Variants in CMKLR2 observed in about 807,000 individuals in gnomAD.
CMKLR2 encodes the protein chemerin chemokine-like receptor 2.
CMKLR2 carries 18 observed loss-of-function variants against 23.0 expected under a neutral mutation model. That is an observed-to-expected ratio of 0.78 (90% CI 0.54 to 1.16). The LOEUF is 1.16. Ranked by LOEUF, CMKLR2 falls within the 50% of genes most tolerant of loss-of-function variation. CMKLR2 has a pLI of 0.00. For synonymous variants in CMKLR2, 158 were observed against 158.9 expected (o/e 0.99, Z 0.05); for missense variants, 401 against 412.7 (o/e 0.97, Z 0.25).
chr2:206,211,095 C>G (rs542378080), intron 1 of CMKLR2, among the ~76,000 whole-genome samples: 1 of 152,206 alleles, frequency 6.6e-6, no homozygotes, highest in East Asian at 1.9e-4. Flanking sequence ...TTGTCTACCT[C>G]CTTTCAAACT....
intron 1 of CMKLR2, among the ~76,000 whole-genome samples, chr2:206,186,117 CTT>C (rs11317836): frequency 9.5e-4 from 133 of 140,306 alleles, no homozygotes; most frequent in Non-Finnish European, 1.1e-3. Flanking sequence ...GTGGAATGGG[CTT>C]TTTTTTTTTT....
In CMKLR2 at chr2:206,176,781, A is replaced by T; in HGVS notation, c.467T>A (p.Ile156Asn). 1.2e-6 allele frequency: 2 copies of T among 1,614,164 alleles called. No individual in the cohort carries two copies. Among genetic ancestry groups the T allele is most frequent in the Non-Finnish European group, 8.5e-7 (1 of 1,180,030 alleles). Residue 156 changes from isoleucine to asparagine, a missense_variant, in exon 2 of 2, where the codon ATT becomes AAT. Coordinates refer to ENST00000621141, the MANE Select transcript of CMKLR2 (RefSeq NM_001389445.1). Reference protein sequence around the residue: ...HRHRTLKNSLIVIIFIWLLAS... With the variant: ...HRHRTLKNSLNVIIFIWLLAS... Reference sequence around the variant, plus strand: ...CAAAAGCCAGATGAATATAATGACAATCAGAGAGTTCTTGAGGGTTCGATG... The same window carrying T: ...CAAAAGCCAGATGAATATAATGACATTCAGAGAGTTCTTGAGGGTTCGATG...
At chr2:206,193,288 G>A (rs1367179481) in intron 1 of CMKLR2, among the ~76,000 whole-genome samples, 1 of 152,214 alleles carries the variant, frequency 6.6e-6, no homozygotes, top group East Asian at 1.9e-4. Context: ...TCATAGAGAC[G>A]GGGTTTCACC....
At chr2:206,195,535 A>C (rs1031790371) in intron 1 of CMKLR2, among the ~76,000 whole-genome samples, 1 of 152,190 alleles carries the variant, frequency 6.6e-6, no homozygotes, top group African/African-American at 2.4e-5. Context: ...TGACTCATGC[A>C]CTAAGTGGAC....
upstream of CMKLR2, chr2:206,217,420 C>T (rs1003021482): frequency 6.6e-6 from 1 of 152,218 alleles, no homozygotes; most frequent in Non-Finnish European, 1.5e-5. Flanking sequence ...CCCAGCCATA[C>T]AGGGACGTTT....
At chr2:206,188,120 G>A (rs1228600555) in intron 1 of CMKLR2, among the ~76,000 whole-genome samples, 1 of 152,120 alleles carries the variant, frequency 6.6e-6, no homozygotes, top group African/African-American at 2.4e-5. Flanking sequence ...TTTTAGTAGA[G>A]ACAAGGTTTT....
chr2:206,217,619 GA>G (rs764121052), upstream of CMKLR2: 15 of 152,196 alleles, frequency 9.9e-5, no homozygotes, highest in Non-Finnish European at 1.8e-4. Context: ...ATTACCTGTA[GA>G]AATGTGGGGA....
upstream of CMKLR2, among the ~76,000 whole-genome samples, chr2:206,214,996 A>G (rs1253311622): frequency 1.3e-5 from 2 of 152,176 alleles, no homozygotes; most frequent in African/African-American, 4.8e-5. Context: ...TTGTTAGGCC[A>G]TGAAAGGTCA....
At chr2:206,212,716 G>A (rs916848263) in intron 1 of CMKLR2, among the ~76,000 whole-genome samples, 1 of 152,188 alleles carries the variant, frequency 6.6e-6, no homozygotes, top group Non-Finnish European at 1.5e-5. Flanking sequence ...AATTGATAGC[G>A]AGATTCAAAA....
intron 1 of CMKLR2, among the ~76,000 whole-genome samples, chr2:206,181,639 T>G (rs13029823): frequency 0.4 from 60,518 of 151,910 alleles, 12,620 homozygotes; most frequent in African/African-American, 0.53. Flanking sequence ...AGTAAGCCAG[T>G]GAAAAGAAAA....
In CMKLR2 at chr2:206,185,788, G is replaced by A. The variant is rs1341567993; in HGVS notation, c.-28-8513C>T. 3.3e-5 allele frequency among the ~76,000 whole-genome samples: 5 copies of A among 152,108 alleles called. No homozygotes were observed. The South Asian group carries it at 8.3e-4, about 25-fold the overall frequency. On this transcript the variant is annotated intron_variant, in intron 1 of 1. Transcript: ENST00000621141. The stretch of plus-strand genomic sequence containing the variant: ...AATGATTAGATTCTAGGTATATTTT[G>A]TAGACAGAACCAACAGTTTTCTTAA...
rs1260762134 is a variant in CMKLR2, at chr2:206,176,300, C to A, written c.948G>T (p.Arg316=). 6.2e-7 allele frequency: 1 copy of A among 1,613,990 alleles called. No individual in the cohort carries two copies. Among genetic ancestry groups the A allele is most frequent in the Non-Finnish European group, 8.5e-7 (1 of 1,180,034 alleles). The change falls in exon 2 of 2, where the codon CGG becomes CGT. Residue 316 remains arginine (R), a synonymous_variant. Transcript: ENST00000621141. The stretch of plus-strand genomic sequence containing the variant: ...ACTTGAGTATCTCAGCAACTGAGGA[C>A]CGGAAGCGAGCTTGGAACTTCTTAC... The part of the protein sequence containing the change: ...LISKKFQARF[R]SSVAEILKYT...
intron 1 of CMKLR2, among the ~76,000 whole-genome samples, chr2:206,180,394 T>C (rs1277220634): frequency 1.3e-5 from 2 of 151,312 alleles, no homozygotes; most frequent in East Asian, 3.9e-4. Context: ...GGGGGGTGCC[T>C]AGAGGCGCTG....
At chr2:206,190,374 C>T (rs1688712679) in intron 1 of CMKLR2, among the ~76,000 whole-genome samples, 1 of 152,044 alleles carries the variant, frequency 6.6e-6, no homozygotes, top group African/African-American at 2.4e-5. Context: ...AGTGATGTGA[C>T]AGAATATTTG....
At chr2:206,184,174 T>C (rs1688500782) in intron 1 of CMKLR2, among the ~76,000 whole-genome samples, 1 of 152,160 alleles carries the variant, frequency 6.6e-6, no homozygotes, top group Admixed American at 6.6e-5. Context: ...GCATTCTCCC[T>C]GTGTGACTGT....
In CMKLR2 at chr2:206,176,353, A is replaced by C; in HGVS notation, c.895T>G (p.Leu299Val). The C allele has an allele frequency of 6.2e-7, 1 of 1,614,190 alleles. No homozygotes were observed. Among genetic ancestry groups the C allele is most frequent in the Non-Finnish European group, 8.5e-7 (1 of 1,180,034 alleles). Residue 299 changes from leucine (L) to valine (V), a missense_variant, in exon 2 of 2, where the codon TTG (leucine) becomes GTG (valine). Leu to Val is a conservative substitution (Grantham distance 32). Transcript: ENST00000621141. Reference protein sequence around the residue: ...STGLAFLNSCLNPILYVLISK... With the variant: ...STGLAFLNSCVNPILYVLISK... ...ATTAGGACATAAAGGATGGGGTTCAAGCAACTATTGAGGAATGCCAAACCA... is the reference window on the plus strand; with the variant it reads ...ATTAGGACATAAAGGATGGGGTTCACGCAACTATTGAGGAATGCCAAACCA...
chr2:206,208,144 C>T (rs1422897829), intron 1 of CMKLR2, among the ~76,000 whole-genome samples: 1 of 152,146 alleles, frequency 6.6e-6, no homozygotes, highest in Non-Finnish European at 1.5e-5. Flanking sequence ...CAAGGAATAA[C>T]TTTTACTCAT....
intron 1 of CMKLR2, among the ~76,000 whole-genome samples, chr2:206,202,565 A>G (rs1268711677): frequency 1.3e-5 from 2 of 152,066 alleles, no homozygotes; most frequent in South Asian, 2.1e-4. Context: ...GGCTCAAGCA[A>G]TTCTCCTGCT....
chr2:206,197,573 C>G (rs1273992132), intron 1 of CMKLR2, among the ~76,000 whole-genome samples: 2 of 152,216 alleles, frequency 1.3e-5, no homozygotes, highest in Non-Finnish European at 2.9e-5. Flanking sequence ...CTCTGCCTAG[C>G]AGTGCTCTTG....
Sources: allele counts gnomAD v4.1 joint callset (sites outside exome capture counted in the v4.1 genomes callset), GRCh38; gene constraint gnomAD v4.1.1; transcripts MANE v1.5; gene names NCBI Gene and HGNC (gene_info 2026-07-23, HGNC 2026-07-21).